Variants in NTM observed in about 807,000 individuals in gnomAD.
NTM encodes the protein IgLON family member 2.
In NTM, 13 loss-of-function variants were observed where a neutral mutation model predicts 42.1. The ratio of observed to expected loss-of-function variants is 0.31; its 90% CI spans 0.20 to 0.49. The LOEUF (loss-of-function observed/expected upper bound fraction) is 0.49, where lower values mean the gene tolerates loss of function less well. Among genes scored for constraint, NTM ranks in the 20% least tolerant of loss-of-function variants. NTM has a pLI of 0.99. For synonymous variants in NTM, 187 were observed against 179.2 expected, an observed-to-expected ratio of 1.04 and a Z score of -0.35; for missense variants, 373 against 452.8, an observed-to-expected ratio of 0.82 and a Z score of 1.60.
intron 2 of NTM, among the ~76,000 whole-genome samples, chr11:132,061,254 T>C (rs898808833): frequency 2.0e-5 from 3 of 152,252 alleles, no homozygotes; most frequent in South Asian, 2.1e-4. Context: ...AACATTTTGC[T>C]TAGCATTGGC....
intron 1 of NTM, among the ~76,000 whole-genome samples, chr11:131,719,011 G>A (rs534774650): frequency 4.1e-4 from 62 of 152,208 alleles, no homozygotes; most frequent in African/African-American, 1.4e-3. Context: ...CCAGGTTCAG[G>A]TCATCTTCCC....
chr11:131,371,785 C>T (rs966686362), intron 1 of NTM, among the ~76,000 whole-genome samples: 5 of 152,284 alleles, frequency 3.3e-5, no homozygotes, highest in Admixed American at 3.3e-4. Context: ...CTCCCACCTG[C>T]CCTGTCCTTT....
chr11:131,931,749 T>C (rs1254130353), intron 2 of NTM, among the ~76,000 whole-genome samples: 1 of 152,050 alleles, frequency 6.6e-6, no homozygotes, highest in East Asian at 1.9e-4. Flanking sequence ...TAATCTGGCA[T>C]GTGGTGGGGG....
At chr11:131,747,286 A>G (rs73593039) in intron 1 of NTM, among the ~76,000 whole-genome samples, 8,621 of 152,156 alleles carry the variant, frequency 0.057, 802 homozygotes, top group African/African-American at 0.19. Flanking sequence ...ACGAGCACCC[A>G]AGCTTAGCAT....
chr11:131,383,950 T>C (rs1023521022), intron 1 of NTM, among the ~76,000 whole-genome samples: 1 of 152,230 alleles, frequency 6.6e-6, no homozygotes, highest in Middle Eastern at 3.4e-3. Context: ...ATGGGGGTAT[T>C]CAAAAGTTGT....
chr11:131,598,970 A>G (rs2060216797), intron 1 of NTM, among the ~76,000 whole-genome samples: 1 of 147,286 alleles, frequency 6.8e-6, no homozygotes, highest in Admixed American at 6.9e-5. Flanking sequence ...GTAGAGTGCA[A>G]TGGCACAATC....
In NTM at chr11:132,310,164, G is replaced by A. The variant is rs754606175; in HGVS notation, c.714G>A (p.Lys238=). ...GTACAGGTGTCCCCGTGGGACAAAAGGGGACACTGCAGTGTGAAGCCTCAG... is the reference window on the plus strand; with the variant it reads ...GTACAGGTGTCCCCGTGGGACAAAAAGGGACACTGCAGTGTGAAGCCTCAG... ...AKGTGVPVGQ[K]GTLQCEASAV... is the part of the protein sequence containing the mutation. Residue 238 remains lysine (K), a synonymous_variant, in exon 6 of 9, where the codon AAG becomes AAA. Coordinates refer to ENST00000683400, the MANE Select transcript of NTM (RefSeq NM_001352005.2). 11 of 1,611,052 alleles carry A rather than the reference G, an allele frequency of 6.8e-6. 1 individual carries two copies. The South Asian group carries it at 1.1e-4, about 16-fold the overall frequency.
chr11:131,742,716 T>G (rs967821318), intron 1 of NTM, among the ~76,000 whole-genome samples: 1 of 152,206 alleles, frequency 6.6e-6, no homozygotes, highest in Non-Finnish European at 1.5e-5. Context: ...AAAAATTTTC[T>G]TATTAAATAA....
At chr11:131,841,259 A>C (rs756452843) in intron 1 of NTM, among the ~76,000 whole-genome samples, 3 of 152,198 alleles carry the variant, frequency 2.0e-5, no homozygotes, top group Non-Finnish European at 4.4e-5. Flanking sequence ...AAGTACTGCC[A>C]AGTGTTGTTG....
chr11:131,476,097 C>T (rs1240024591), intron 1 of NTM, among the ~76,000 whole-genome samples: 1 of 151,922 alleles, frequency 6.6e-6, no homozygotes, highest in South Asian at 2.1e-4. Context: ...GGAGGAAAGC[C>T]TGTGTATTCT....
At chr11:131,737,429 C>T (rs2080612596) in intron 1 of NTM, among the ~76,000 whole-genome samples, 2 of 152,318 alleles carry the variant, frequency 1.3e-5, no homozygotes, top group South Asian at 2.1e-4. Flanking sequence ...TTCCACTTCC[C>T]TTCTCAGTAG....
chr11:131,444,940 C>T (rs1464633913), intron 1 of NTM, among the ~76,000 whole-genome samples: 1 of 152,098 alleles, frequency 6.6e-6, no homozygotes, highest in Non-Finnish European at 1.5e-5. Context: ...GGGTACGTAT[C>T]AAATCAGTGC....
intron 2 of NTM, among the ~76,000 whole-genome samples, chr11:132,094,549 G>C (rs1432119856): frequency 6.6e-6 from 1 of 152,134 alleles, no homozygotes; most frequent in East Asian, 1.9e-4. Context: ...GAATGAGAGT[G>C]GCATGGATTT....
At chr11:131,429,499 G>T (rs1948476486) in intron 1 of NTM, among the ~76,000 whole-genome samples, 1 of 152,154 alleles carries the variant, frequency 6.6e-6, no homozygotes, top group South Asian at 2.1e-4. Context: ...CATCTGTGAT[G>T]CTAATGATAA....
At chr11:131,661,090 G>A (rs191109652) in intron 1 of NTM, 3 of 1,260,724 alleles carry the variant, frequency 2.4e-6, no homozygotes, top group East Asian at 5.6e-5. Flanking sequence ...ACAGACTGGT[G>A]GGGGGGTCTT....
At chr11:132,330,387 A>T (rs1313520780) in intron 8 of NTM, among the ~76,000 whole-genome samples, 2 of 152,150 alleles carry the variant, frequency 1.3e-5, no homozygotes, top group African/African-American at 4.8e-5. Flanking sequence ...GGTAGATCCC[A>T]CTTGCAGTAG....
intron 1 of NTM, among the ~76,000 whole-genome samples, chr11:131,427,260 A>G (rs1948223555): frequency 6.6e-6 from 1 of 152,120 alleles, no homozygotes; most frequent in Non-Finnish European, 1.5e-5. Flanking sequence ...GTGAACCCAA[A>G]TAAGGTCTGG....
chr11:131,636,237 C>T (rs1418261167), intron 1 of NTM, among the ~76,000 whole-genome samples: 2 of 152,168 alleles, frequency 1.3e-5, no homozygotes, highest in Non-Finnish European at 2.9e-5. Context: ...AACTAGAGTT[C>T]CGAATCTGGC....
intron 1 of NTM, among the ~76,000 whole-genome samples, chr11:131,765,331 A>T (rs2084929455): frequency 1.3e-5 from 2 of 150,722 alleles, no homozygotes; most frequent in South Asian, 4.2e-4. Context: ...TGCATATCAA[A>T]CTCCCCTCCT....
Sources: gnomAD v4.1 joint callset for allele counts (sites outside exome capture counted in the v4.1 genomes callset) on GRCh38, gnomAD v4.1.1 for gene constraint, MANE v1.5 for transcripts, NCBI Gene and HGNC (gene_info 2026-07-23, HGNC 2026-07-21) for gene names.